Variants in SLAIN2 observed in about 807,000 individuals in gnomAD.
The protein encoded by SLAIN2 is SLAIN motif-containing protein 2.
A neutral mutation model predicts 56.6 loss-of-function variants in SLAIN2; 31 were observed. That is an observed-to-expected ratio of 0.55 (90% CI 0.41 to 0.74). SLAIN2 has a LOEUF of 0.74. Ranked by LOEUF, SLAIN2 falls within the 30% of genes least tolerant of loss-of-function variation. SLAIN2 has a pLI of 0.00. For synonymous variants in SLAIN2, 317 were observed against 284.9 expected (o/e 1.11, Z -1.13); for missense variants, 777 against 754.2 (o/e 1.03, Z -0.35).
intron 6 of SLAIN2, among the ~76,000 whole-genome samples, chr4:48,413,451 A>C (rs1347970982): frequency 1.3e-5 from 2 of 152,110 alleles, no homozygotes; most frequent in South Asian, 4.1e-4. Flanking sequence ...TTTTACAAGG[A>C]TTCTTTAATT....
chr4:48,393,494 C>T (rs1716287014), intron 6 of SLAIN2, among the ~76,000 whole-genome samples: 1 of 151,974 alleles, frequency 6.6e-6, no homozygotes, highest in Non-Finnish European at 1.5e-5. Context: ...CCTGCCCTGG[C>T]CTCCCAAAGG....
In SLAIN2 at chr4:48,385,048, CTGT is replaced by C. The variant is rs571679873; in HGVS notation, c.1360+1267_1360+1269del. On this transcript the variant is annotated intron_variant, in intron 6 of 7. Transcript: ENST00000264313. ...ATGTGATGGAAAGGAAAGGTTGAGA[CTGT>C]TGAATTAAGGAAACATATGCAGCAT... 1.3e-4 allele frequency among the ~76,000 whole-genome samples: 20 copies of C among 152,218 alleles called. No homozygotes were observed. In the East Asian group the frequency reaches 3.5e-3, roughly 26 times the overall value.
chr4:48,384,127 A>G (rs1422925582), intron 6 of SLAIN2, among the ~76,000 whole-genome samples: 1 of 152,178 alleles, frequency 6.6e-6, no homozygotes, highest in South Asian at 2.1e-4. Context: ...AGCATCCAAA[A>G]ATATATGTCC....
chr4:48,396,361 G>A (rs933301017), intron 6 of SLAIN2, among the ~76,000 whole-genome samples: 2 of 152,134 alleles, frequency 1.3e-5, no homozygotes, highest in Non-Finnish European at 2.9e-5. Flanking sequence ...TTTCTGATTA[G>A]TATTGTGACG....
intron 1 of SLAIN2, among the ~76,000 whole-genome samples, chr4:48,369,114 T>C (rs1449792706): frequency 6.6e-6 from 1 of 152,196 alleles, no homozygotes; most frequent in Non-Finnish European, 1.5e-5. Flanking sequence ...TGGTTAGAAA[T>C]CAATAGCTAT....
chr4:48,383,534 T>A, intron 5 of SLAIN2, 113 bp from the exon 6 acceptor site: 3 of 1,009,156 alleles, frequency 3.0e-6, no homozygotes, highest in Non-Finnish European at 4.2e-6. Flanking sequence ...TATTTTCTCA[T>A]CTAAAATAAA....
intron 2 of SLAIN2, among the ~76,000 whole-genome samples, chr4:48,372,009 C>T (rs1241501973): frequency 6.7e-6 from 1 of 150,292 alleles, no homozygotes; most frequent in Non-Finnish European, 1.5e-5. Context: ...CACACACACA[C>T]ACATATACAT....
chr4:48,393,468 G>A (rs1283338070), intron 6 of SLAIN2, among the ~76,000 whole-genome samples: 2 of 151,004 alleles, frequency 1.3e-5, no homozygotes, highest in Non-Finnish European at 2.9e-5. Flanking sequence ...CAAACTCCTG[G>A]GCTCAAGCAA....
chr4:48,396,264 G>A (rs1490789462), intron 6 of SLAIN2, among the ~76,000 whole-genome samples: 1 of 151,962 alleles, frequency 6.6e-6, no homozygotes, highest in African/African-American at 2.4e-5. Flanking sequence ...ACTTAGTAAA[G>A]GTAAAGAAGG....
chr4:48,363,600 C>G (rs1420973524), intron 1 of SLAIN2, among the ~76,000 whole-genome samples: 1 of 105,716 alleles, frequency 9.5e-6, no homozygotes, highest in African/African-American at 3.6e-5. Flanking sequence ...CCGGACAGGG[C>G]GGCTGGCCGG....
intron 4 of SLAIN2, among the ~76,000 whole-genome samples, chr4:48,381,046 CTG>C (rs1353710370): frequency 6.6e-6 from 1 of 152,066 alleles, no homozygotes; most frequent in African/African-American, 2.4e-5. Context: ...CTCAGTGAGA[CTG>C]TGGTATTGTC....
At chr4:48,354,890 TTTTC>T (rs1484848947) in intron 1 of SLAIN2, among the ~76,000 whole-genome samples, 2 of 36,644 alleles carry the variant, frequency 5.5e-5, no homozygotes, top group African/African-American at 1.2e-4. Context: ...TAAAATTTTC[TTTTC>T]TTTTCTTTTT....
chr4:48,392,081 C>T (rs1331213230), intron 6 of SLAIN2, among the ~76,000 whole-genome samples: 1 of 152,208 alleles, frequency 6.6e-6, no homozygotes, highest in African/African-American at 2.4e-5. Context: ...ACTTAAACTA[C>T]TACACTTTGT....
At chr4:48,371,804 A>G (rs1715670621) in intron 2 of SLAIN2, among the ~76,000 whole-genome samples, 1 of 151,942 alleles carries the variant, frequency 6.6e-6, no homozygotes, top group Admixed American at 6.6e-5. Context: ...AAAAATAGCC[A>G]GGCATGGTGT....
chr4:48,385,890 G>T (rs1409300333), intron 6 of SLAIN2, among the ~76,000 whole-genome samples: 5 of 151,642 alleles, frequency 3.3e-5, no homozygotes, highest in Admixed American at 2.6e-4. Context: ...CAACAGGCTA[G>T]CAGGAGTTTG....
At chr4:48,359,894 G>A (rs1715270695) in intron 1 of SLAIN2, among the ~76,000 whole-genome samples, 4 of 152,164 alleles carry the variant, frequency 2.6e-5, no homozygotes, top group South Asian at 2.1e-4. Flanking sequence ...GGTGGCTTAC[G>A]CCTGTAATCC....
chr4:48,396,821 C>G (rs1240805906), intron 6 of SLAIN2, among the ~76,000 whole-genome samples: 1 of 152,086 alleles, frequency 6.6e-6, no homozygotes, highest in African/African-American at 2.4e-5. Flanking sequence ...AATATAGTCA[C>G]TTTGATTTTA....
At chr4:48,414,011 A>T (rs1293356479) in intron 6 of SLAIN2, among the ~76,000 whole-genome samples, 1 of 152,202 alleles carries the variant, frequency 6.6e-6, no homozygotes, top group Non-Finnish European at 1.5e-5. Context: ...TTAAATACTT[A>T]TTAAAAGAAA....
At position 48,387,573 on chromosome 4, in the gene SLAIN2, A is replaced by G. The variant is rs1461618063; in HGVS notation, c.1360+3789A>G. On this transcript the variant is annotated intron_variant, in intron 6 of 7. Transcript: ENST00000264313. ...TTTCCAATTGTATGTACTTGTTTAT[A>G]TTTGTAGCTGTAGTAAAGCTTATAA... is the stretch of plus-strand genomic sequence containing the variant. 2.0e-5 allele frequency: 3 copies of G among 151,774 alleles called. No individual in the cohort carries two copies. The East Asian group carries it at 5.8e-4, about 29-fold the overall frequency. 9.4% of individuals were successfully genotyped at this position (151,774 alleles called of 1,614,324 possible).
Sources: allele counts gnomAD v4.1 joint callset (sites outside exome capture counted in the v4.1 genomes callset), GRCh38; gene constraint gnomAD v4.1.1; transcripts MANE v1.5; gene names NCBI Gene and HGNC (gene_info 2026-07-23, HGNC 2026-07-21).